MBNL1: variants seen among roughly 807,000 people sequenced by gnomAD.
The protein encoded by MBNL1 is muscleblind-like protein 1.
In MBNL1, 8 loss-of-function variants were observed where a neutral mutation model predicts 42.2. The ratio of observed to expected loss-of-function variants is 0.19; its 90% CI spans 0.11 to 0.34. The LOEUF is 0.34. Ranked by LOEUF, MBNL1 falls within the 10% of genes least tolerant of loss-of-function variation. The pLI, the probability that MBNL1 is intolerant of heterozygous loss-of-function variation, is 1.00. For missense variants in MBNL1, 309 were observed against 495.3 expected (o/e 0.62, Z 3.57); for synonymous variants, 169 against 173.9 (o/e 0.97, Z 0.22).
At chr3:152,403,925 C>T (rs2153570372) in intron 2 of MBNL1, among the ~76,000 whole-genome samples, 1 of 152,202 alleles carries the variant, frequency 6.6e-6, no homozygotes, top group East Asian at 1.9e-4. Context: ...GGGACAGAGC[C>T]AGTGTCATTG....
At chr3:152,399,109 A>C (rs915552905) in intron 2 of MBNL1, among the ~76,000 whole-genome samples, 1 of 152,078 alleles carries the variant, frequency 6.6e-6, no homozygotes, top group Non-Finnish European at 1.5e-5. Context: ...CTTTCTTAGG[A>C]TAGGTTTCTA....
intron 2 of MBNL1, among the ~76,000 whole-genome samples, chr3:152,260,372 G>C (rs572509853): frequency 6.6e-6 from 1 of 152,168 alleles, no homozygotes; most frequent in South Asian, 2.1e-4. Flanking sequence ...GCACATTCAC[G>C]AAGGCCATAA....
At chr3:152,360,093 T>C (rs1418867963) in intron 2 of MBNL1, among the ~76,000 whole-genome samples, 1 of 152,196 alleles carries the variant, frequency 6.6e-6, no homozygotes, top group East Asian at 1.9e-4. Flanking sequence ...TCTCTGATGA[T>C]TTCCAAATGT....
upstream of MBNL1, chr3:152,266,982 A>C (rs529936336): frequency 1.3e-5 from 2 of 152,246 alleles, no homozygotes; most frequent in Non-Finnish European, 2.9e-5. Flanking sequence ...AGATCAACAC[A>C]GACCTACTTT....
intron 3 of MBNL1, among the ~76,000 whole-genome samples, chr3:152,432,473 A>T (rs2099020067): frequency 6.6e-6 from 1 of 152,228 alleles, no homozygotes; most frequent in African/African-American, 2.4e-5. Context: ...CTCAGCTACA[A>T]AATTCCAGTG....
chr3:152,313,862 T>C (rs1335455632), intron 2 of MBNL1, among the ~76,000 whole-genome samples: 1 of 152,252 alleles, frequency 6.6e-6, no homozygotes, highest in Non-Finnish European at 1.5e-5. Context: ...AACCAGTAGG[T>C]ATTAATGGAA....
chr3:152,295,484 T>C (rs542466386), intron 1 of MBNL1, among the ~76,000 whole-genome samples: 4 of 152,306 alleles, frequency 2.6e-5, no homozygotes, highest in African/African-American at 7.2e-5. Flanking sequence ...CTCCCATACA[T>C]GTTTATTTCT....
At chr3:152,281,900 A>G (rs1486684276) in intron 1 of MBNL1, among the ~76,000 whole-genome samples, 1 of 152,182 alleles carries the variant, frequency 6.6e-6, no homozygotes, top group Non-Finnish European at 1.5e-5. Flanking sequence ...GAGATTTCCG[A>G]TAAACTTTTC....
At chr3:152,300,789 T>TTA in intron 2 of MBNL1, 1 of 226,976 alleles carries the variant, frequency 4.4e-6, no homozygotes, top group Non-Finnish European at 7.3e-6. Flanking sequence ...AGAAGCAGAT[T>TTA]TAAAATCAGC....
At chr3:152,458,157 G>T (rs764205494) in intron 8 of MBNL1, 2 of 1,613,878 alleles carry the variant, frequency 1.2e-6, no homozygotes, top group Non-Finnish European at 1.7e-6. Context: ...CTACACTGTT[G>T]GGTGCAACAT....
intron 2 of MBNL1, among the ~76,000 whole-genome samples, chr3:152,392,190 G>A (rs144142211): frequency 2.9e-3 from 445 of 152,124 alleles, no homozygotes; most frequent in African/African-American, 9.1e-3. Context: ...AGAAATCTCC[G>A]CAAGAAGTAC....
chr3:152,396,717 T>C (rs974485319), intron 2 of MBNL1, among the ~76,000 whole-genome samples: 1 of 152,210 alleles, frequency 6.6e-6, no homozygotes, highest in African/African-American at 2.4e-5. Flanking sequence ...CCTTTTCTTC[T>C]GTTTTTTGTT....
At chr3:152,381,597 G>A (rs1429314169) in intron 2 of MBNL1, among the ~76,000 whole-genome samples, 1 of 151,770 alleles carries the variant, frequency 6.6e-6, no homozygotes, top group Admixed American at 6.6e-5. Flanking sequence ...TAATTATCTA[G>A]TAATTCTATA....
intron 3 of MBNL1, among the ~76,000 whole-genome samples, chr3:152,432,196 A>G (rs944572232): frequency 2.6e-5 from 4 of 152,280 alleles, no homozygotes; most frequent in Admixed American, 2.6e-4. Flanking sequence ...CACATACCCC[A>G]TGAGATTTAT....
chr3:152,365,329 T>C lies in MBNL1; in HGVS notation c.175-49612T>C, dbSNP rs186135040. Among the ~76,000 whole-genome samples the C allele has an allele frequency of 1.1e-3, 161 of 152,234 alleles. 2 individuals carry two copies. Among genetic ancestry groups the C allele is most frequent in the Non-Finnish European group, 1.3e-4 (9 of 67,986 alleles). ...GAATAGTTACCACATGACTATTCTC[T>C]TCAGGTTTCAGCAACGAAACAGAAT... On this transcript the variant is annotated intron_variant, in intron 2 of 9. Coordinates refer to ENST00000324210, the MANE Select transcript of MBNL1 (RefSeq NM_021038.5).
chr3:152,324,403 C>T (rs149165716), intron 2 of MBNL1, among the ~76,000 whole-genome samples: 2 of 152,244 alleles, frequency 1.3e-5, no homozygotes, highest in East Asian at 3.9e-4. Context: ...GTTAAAGTCA[C>T]TCTGCCTGTA....
chr3:152,374,289 G>A (rs2096802937), intron 2 of MBNL1, among the ~76,000 whole-genome samples: 5 of 152,128 alleles, frequency 3.3e-5, no homozygotes, highest in African/African-American at 9.7e-5. Context: ...TTTTGTGGGA[G>A]GTCAGAGTTG....
intron 2 of MBNL1, among the ~76,000 whole-genome samples, chr3:152,320,704 T>G (rs898269683): frequency 4.0e-5 from 6 of 151,396 alleles, no homozygotes; most frequent in Non-Finnish European, 8.9e-5. Flanking sequence ...TTTTTAATCT[T>G]TTTTGACTCT....
chr3:152,425,357 C>T (rs2098907781), intron 3 of MBNL1, among the ~76,000 whole-genome samples: 1 of 152,054 alleles, frequency 6.6e-6, no homozygotes, highest in South Asian at 2.1e-4. Flanking sequence ...GGTGTGGTGG[C>T]TCACGCCTGT....
Sources: gnomAD v4.1 joint callset for allele counts (sites outside exome capture counted in the v4.1 genomes callset) on GRCh38, gnomAD v4.1.1 for gene constraint, MANE v1.5 for transcripts, NCBI Gene and HGNC (gene_info 2026-07-23, HGNC 2026-07-21) for gene names.